FAT2: variants seen among roughly 807,000 people sequenced by gnomAD.
FAT2 encodes the protein FAT atypical cadherin 2.
A neutral mutation model predicts 295.3 loss-of-function variants in FAT2; 150 were observed. That is an observed-to-expected ratio of 0.51 (90% CI 0.44 to 0.58). The LOEUF is 0.58. Ranked by LOEUF, FAT2 falls within the 20% of genes least tolerant of loss-of-function variation. The probability of loss-of-function intolerance (pLI) is 0.00; values close to 1 mark genes in which losing one functional copy is unlikely to be tolerated. For synonymous variants in FAT2, 2,026 were observed against 2,150.3 expected, an observed-to-expected ratio of 0.94 and a Z score of 1.60; for missense variants, 4,868 against 5,442.7, an observed-to-expected ratio of 0.89 and a Z score of 3.32.
intron 1 of FAT2, among the ~76,000 whole-genome samples, chr5:151,586,634 C>G (rs1759182672): frequency 6.6e-6 from 1 of 152,132 alleles, no homozygotes; most frequent in South Asian, 2.1e-4. Context: ...GTCTACCTAG[C>G]CAAAGCACTC....
chr5:151,593,071 A>G (rs1759473687), upstream of FAT2, among the ~76,000 whole-genome samples: 2 of 152,184 alleles, frequency 1.3e-5, no homozygotes. Context: ...TCCCTCCTAC[A>G]AGCTGCCTCC....
At chr5:151,560,157 C>G (rs560851862) in intron 3 of FAT2, among the ~76,000 whole-genome samples, 21 of 152,308 alleles carry the variant, frequency 1.4e-4, no homozygotes, top group African/African-American at 5.1e-4. Context: ...AGCTGCCTTT[C>G]CATCTTCATC....
intron 19 of FAT2, among the ~76,000 whole-genome samples, chr5:151,518,450 A>C (rs926615667): frequency 6.6e-6 from 1 of 152,060 alleles, no homozygotes; most frequent in Admixed American, 6.6e-5. Context: ...TTTATTCTAC[A>C]TAGTTTCCAT....
Position 151,568,048 on chromosome 5 carries a change from T to C in FAT2, c.884A>G (p.Asp295Gly), listed in dbSNP as rs1221794840. 1 of 1,614,070 alleles carries C rather than the reference T, an allele frequency of 6.2e-7. No homozygotes were observed. Among genetic ancestry groups the C allele is most frequent in the Non-Finnish European group, 8.5e-7 (1 of 1,180,050 alleles). The change falls in exon 2 of 24, where the codon GAC becomes GGC. Residue 295 changes from aspartate to glycine, a missense_variant. Asp to Gly is a moderately conservative substitution (Grantham distance 94). This residue lies in a region of FAT2 where 3,297 missense variants were observed against 3,669.4 expected (regional missense o/e 0.90). Coordinates refer to ENST00000261800, the MANE Select transcript of FAT2 (RefSeq NM_001447.3). ...EVESVEVVGG[D>G]PGKHFKAIKS... ...GATGGCTTTGAAGTGCTTTCCAGGG[T>C]CACCACCAACAACTTCCACTGACTC... is the stretch of plus-strand genomic sequence containing the variant.
chr5:151,515,357 A>G (rs576412631), intron 20 of FAT2, among the ~76,000 whole-genome samples: 3 of 152,184 alleles, frequency 2.0e-5, no homozygotes, highest in Non-Finnish European at 2.9e-5. Context: ...TCTTCAATCT[A>G]CATTGCTTGG....
Position 151,527,613 on chromosome 5 carries a change from G to A in FAT2, c.10165-236C>T, listed in dbSNP as rs997807557. ...ACCTTGGGAAAGTGAATGAATTTATGTGAGGATAATGTCAGGATGCACTTC... is the reference window on the plus strand; with the variant it reads ...ACCTTGGGAAAGTGAATGAATTTATATGAGGATAATGTCAGGATGCACTTC... On this transcript the variant is annotated intron_variant, in intron 16 of 23. Coordinates refer to ENST00000261800, the MANE Select transcript of FAT2 (RefSeq NM_001447.3). 4.6e-4 allele frequency among the ~76,000 whole-genome samples: 70 copies of A among 152,198 alleles called. 1 individual carries two copies. The highest frequency in any genetic ancestry group is 2.0e-3 in the Admixed American group (30 of 15,284).
chr5:151,513,529 T>TGGGA (rs1752530044), intron 20 of FAT2, among the ~76,000 whole-genome samples: 1 of 152,076 alleles, frequency 6.6e-6, no homozygotes, highest in Non-Finnish European at 1.5e-5. Context: ...CACTTACAAG[T>TGGGA]GGGAACTAAA....
chr5:151,537,723 A>G (rs568119672), intron 12 of FAT2, 70 bp downstream of exon 12: 24 of 1,449,918 alleles, frequency 1.7e-5, no homozygotes, highest in East Asian at 2.3e-5. Context: ...CAAGGAGAAT[A>G]CCATGGCACT....
intron 1 of FAT2, among the ~76,000 whole-genome samples, chr5:151,570,038 T>A (rs570035440): frequency 5.2e-4 from 79 of 152,340 alleles, no homozygotes; most frequent in African/African-American, 1.9e-3. Flanking sequence ...GAAAATTCAG[T>A]GAAATAATAA....
At chr5:151,560,654 C>T (rs1401564330) in intron 3 of FAT2, among the ~76,000 whole-genome samples, 1 of 152,168 alleles carries the variant, frequency 6.6e-6, no homozygotes, top group Non-Finnish European at 1.5e-5. Context: ...GATGTTATGC[C>T]CTTTCAAACT....
At chr5:151,593,893 C>T (rs1451981629), upstream of FAT2, among the ~76,000 whole-genome samples, 1 of 152,084 alleles carries the variant, frequency 6.6e-6, no homozygotes, top group Non-Finnish European at 1.5e-5. Flanking sequence ...ATCCCAGCTA[C>T]TCAGGAGGCT....
chr5:151,553,413 G>C (rs1581424549), intron 5 of FAT2, 26 bp from the exon 6 acceptor site: 1 of 1,606,212 alleles, frequency 6.2e-7, no homozygotes, highest in Non-Finnish European at 8.5e-7. Context: ...CACCAAAACT[G>C]AGGTTTGGGG....
chr5:151,571,159 A>G (rs535720338), intron 1 of FAT2, among the ~76,000 whole-genome samples: 29 of 151,208 alleles, frequency 1.9e-4, no homozygotes, highest in Admixed American at 9.9e-4. Flanking sequence ...CTGTCCTTCC[A>G]TGCTTAGAGC....
chr5:151,539,119 G>A lies in FAT2; in HGVS notation c.9040-1173C>T, dbSNP rs1278337188. On this transcript the variant is annotated intron_variant, in intron 11 of 23. Transcript: ENST00000261800. ...GAAGTTGGTTGTAATGATGGCTGAGGGAAAAGAGAAGGAAGGTGACCACCA... is the reference window on the plus strand; with the variant it reads ...GAAGTTGGTTGTAATGATGGCTGAGAGAAAAGAGAAGGAAGGTGACCACCA... Among the ~76,000 whole-genome samples, 3 of 152,012 alleles carry A rather than the reference G, an allele frequency of 2.0e-5. No homozygotes were observed. The East Asian group carries it at 5.8e-4, about 29-fold the overall frequency.
At chr5:151,591,575 A>G (rs1313269613), upstream of FAT2, among the ~76,000 whole-genome samples, 1 of 152,138 alleles carries the variant, frequency 6.6e-6, no homozygotes, top group Non-Finnish European at 1.5e-5. Context: ...GTGTTGCCCC[A>G]GGTCACACAG....
At chr5:151,536,592 A>G (rs1484767041) in intron 12 of FAT2, among the ~76,000 whole-genome samples, 2 of 152,178 alleles carry the variant, frequency 1.3e-5, no homozygotes, top group Non-Finnish European at 2.9e-5. Context: ...CTCACAGCCC[A>G]GCCTCTCCTG....
chr5:151,506,658 C>T (rs1760903811), intron 23 of FAT2, among the ~76,000 whole-genome samples: 1 of 152,198 alleles, frequency 6.6e-6, no homozygotes, highest in Non-Finnish European at 1.5e-5. Context: ...AAATACCTAT[C>T]ATAACTGCTA....
Position 151,544,054 on chromosome 5 carries a change from G to A in FAT2, c.7073C>T (p.Pro2358Leu), listed in dbSNP as rs1426750258. ...AACCACAAGGGTTTCACCAGTGAGT[G>A]GGGGATCTCCTTTATCCATGGCCCT... ...KVRAMDKGDP[P>L]LTGETLVVVN... Residue 2358 changes from proline to leucine, a missense_variant, in exon 10 of 24, where the codon CCA becomes CTA. This residue lies in a region of FAT2 where 3,297 missense variants were observed against 3,669.4 expected (regional missense o/e 0.90). Transcript: ENST00000261800. 1.2e-6 allele frequency: 2 copies of A among 1,614,172 alleles called. No homozygotes were observed. Among genetic ancestry groups the A allele is most frequent in the Admixed American group, 1.7e-5 (1 of 60,024 alleles).
rs2127619364 is a variant in FAT2, at chr5:151,549,413, C to G, written c.4671G>C (p.Gln1557His). 1.2e-6 allele frequency: 2 copies of G among 1,614,120 alleles called. No individual in the cohort carries two copies. The highest frequency in any genetic ancestry group is 2.2e-5 in the South Asian group (2 of 91,078). The change falls in exon 9 of 24, where the codon CAG becomes CAC. Residue 1557 changes from glutamine to histidine, a missense_variant. Around this residue, in one of 5 missense-constraint regions of FAT2, gnomAD observed 3,297 missense variants for 3,669.4 expected, o/e 0.90. Transcript: ENST00000261800. ...CAGGAACACTTGCCTCATAATGGAG[C>G]TGAGTGAAGCGGGGTGGGTGGAGGT... ...DGNLHPPRFT[Q>H]LHYEASVPDT... is the part of the protein sequence containing the mutation.
Sources: allele counts gnomAD v4.1 joint callset (sites outside exome capture counted in the v4.1 genomes callset), GRCh38; gene constraint gnomAD v4.1.1; regional missense constraint gnomAD v4.1.1; transcripts MANE v1.5; gene names NCBI Gene and HGNC (gene_info 2026-07-23, HGNC 2026-07-21).